The following BBS9 variants were observed in gnomAD, a reference collection of about 807,000 sequenced individuals.
BBS9 encodes the protein protein PTHB1.
In BBS9, 89 loss-of-function variants were observed where a neutral mutation model predicts 117.7. The observed-to-expected ratio is 0.76, with a 90% confidence interval of 0.64 to 0.90. BBS9 has a LOEUF of 0.90. Ranked by LOEUF, BBS9 falls within the 40% of genes least tolerant of loss-of-function variation. BBS9 has a pLI of 0.00. For synonymous variants in BBS9, 379 were observed against 370.9 expected (o/e 1.02, Z -0.25); for missense variants, 982 against 1,042.2 (o/e 0.94, Z 0.80).
chr7:33,429,561 G>A (rs1009355123), intron 19 of BBS9, among the ~76,000 whole-genome samples: 1 of 152,168 alleles, frequency 6.6e-6, no homozygotes, highest in Non-Finnish European at 1.5e-5. Context: ...GAAACAGCTA[G>A]ATCTTTACTA....
At chr7:33,580,773 T>C (rs1344171722) in intron 21 of BBS9, among the ~76,000 whole-genome samples, 1 of 152,138 alleles carries the variant, frequency 6.6e-6, no homozygotes, top group Non-Finnish European at 1.5e-5. Flanking sequence ...TGAACATATA[T>C]AGGGTGATGG....
In BBS9 at chr7:33,353,010, G is replaced by A. The variant is rs1818958770; in HGVS notation, c.1552+137G>A. On this transcript the variant is annotated intron_variant, in intron 15 of 22. Coordinates refer to ENST00000242067, the MANE Select transcript of BBS9 (RefSeq NM_198428.3). The stretch of plus-strand genomic sequence containing the variant: ...AAGAAGTTCTTTAGGATGATACAGT[G>A]CCTTGATTCTGCTATGGAGAGCATA... The A allele has an allele frequency of 7.0e-6, 6 of 858,850 alleles. 1 individual carries two copies. In the South Asian group the frequency reaches 9.5e-5, roughly 14 times the overall value. 53.2% of individuals were successfully genotyped at this position (858,850 alleles called of 1,614,324 possible).
At position 33,605,294 on chromosome 7, in the gene BBS9, C is replaced by T. The variant is rs1864439364; in HGVS notation, c.*68C>T. The T allele has an allele frequency of 6.7e-7, 1 of 1,502,590 alleles. No homozygotes were observed. Among genetic ancestry groups the T allele is most frequent in the African/African-American group, 1.4e-5 (1 of 72,476 alleles). 93.1% of individuals were successfully genotyped at this position (1,502,590 alleles called of 1,614,324 possible). On this transcript the variant is annotated 3_prime_UTR_variant, in exon 23 of 23. Coordinates refer to ENST00000242067, the MANE Select transcript of BBS9 (RefSeq NM_198428.3). ...AGGCCGAACCTGTGTGAACCTCATG[C>T]CAAGCACAGATATAGGGCTGGCGCA...
intron 20 of BBS9, among the ~76,000 whole-genome samples, chr7:33,507,488 T>A (rs778833270): frequency 4.6e-5 from 7 of 152,120 alleles, no homozygotes; most frequent in Non-Finnish European, 8.8e-5. Flanking sequence ...AAGTGATCCT[T>A]CTGCCTCGGC....
At position 33,530,806 on chromosome 7, in the gene BBS9, A is replaced by G. The variant is rs147989966; in HGVS notation, c.2299-3148A>G. Among the ~76,000 whole-genome samples the G allele has an allele frequency of 3.8e-3, 580 of 152,258 alleles. 3 individuals carry two copies. Among genetic ancestry groups the G allele is most frequent in the African/African-American group, 0.013 (553 of 41,556 alleles). On this transcript the variant is annotated intron_variant, in intron 20 of 22. Transcript: ENST00000242067. Reference sequence around the variant, plus strand: ...TTTCAAGATGACTTTAAAATCATTTACTTGTTTCCTAACTTGCCTAGTGAC... The same window carrying G: ...TTTCAAGATGACTTTAAAATCATTTGCTTGTTTCCTAACTTGCCTAGTGAC...
At chr7:33,267,703 T>G (rs1345100250) in intron 7 of BBS9, among the ~76,000 whole-genome samples, 4 of 152,178 alleles carry the variant, frequency 2.6e-5, no homozygotes, top group South Asian at 2.1e-4. Context: ...AACCCCATAT[T>G]ACATTGTAAT....
Position 33,581,200 on chromosome 7 carries a change from C to T in BBS9, c.2522-23665C>T, listed in dbSNP as rs187197251. 4.7e-4 allele frequency among the ~76,000 whole-genome samples: 71 copies of T among 151,252 alleles called. 1 individual carries two copies. The highest frequency in any genetic ancestry group is 8.8e-4 in the Non-Finnish European group (60 of 67,830). On this transcript the variant is annotated intron_variant, in intron 21 of 22. Transcript: ENST00000242067. ...GGGCCAAGACACTGTGTACTTGCTT[C>T]GGGGAAAAAGACTATAAAATAGGAC...
chr7:33,224,437 A>G (rs1445566126), intron 5 of BBS9, among the ~76,000 whole-genome samples: 1 of 152,190 alleles, frequency 6.6e-6, no homozygotes, highest in Non-Finnish European at 1.5e-5. Context: ...CAGTAACTTC[A>G]TTTCAGGCTT....
chr7:33,280,273 C>T (rs78649288), intron 9 of BBS9, among the ~76,000 whole-genome samples: 1 of 152,062 alleles, frequency 6.6e-6, no homozygotes, highest in East Asian at 1.9e-4. Flanking sequence ...GATTCTGTCA[C>T]CCGGGTAGTC....
At chr7:33,180,000 C>T (rs1439648676) in intron 5 of BBS9, among the ~76,000 whole-genome samples, 1 of 152,182 alleles carries the variant, frequency 6.6e-6, no homozygotes. Flanking sequence ...CAGTAGTTCA[C>T]ATCTGTTCCC....
intron 5 of BBS9, among the ~76,000 whole-genome samples, chr7:33,214,140 G>C (rs979765945): frequency 6.6e-6 from 1 of 152,224 alleles, no homozygotes; most frequent in Non-Finnish European, 1.5e-5. Flanking sequence ...GGCGAGGCCT[G>C]TTGAGAAATT....
intron 21 of BBS9, among the ~76,000 whole-genome samples, chr7:33,571,117 G>T (rs1857707164): frequency 6.6e-6 from 1 of 152,034 alleles, no homozygotes; most frequent in East Asian, 1.9e-4. Flanking sequence ...TATAGGTGAG[G>T]GGTATATGGA....
intron 21 of BBS9, among the ~76,000 whole-genome samples, chr7:33,561,617 A>G (rs1856098079): frequency 1.3e-5 from 2 of 152,218 alleles, no homozygotes; most frequent in African/African-American, 4.8e-5. Context: ...CCACCTAAAA[A>G]TAGAGACTTC....
At chr7:33,413,473 C>A (rs189928308) in intron 19 of BBS9, among the ~76,000 whole-genome samples, 1 of 151,978 alleles carries the variant, frequency 6.6e-6, no homozygotes, top group South Asian at 2.1e-4. Context: ...TGAGTTGATG[C>A]GGCATAGAAA....
At chr7:33,362,458 G>A (rs920762443) in intron 16 of BBS9, among the ~76,000 whole-genome samples, 1 of 152,030 alleles carries the variant, frequency 6.6e-6, no homozygotes, top group Non-Finnish European at 1.5e-5. Flanking sequence ...TGTGAGGGAT[G>A]GATGAAATTC....
intron 21 of BBS9, among the ~76,000 whole-genome samples, chr7:33,539,265 C>T (rs1489176020): frequency 6.6e-6 from 1 of 152,216 alleles, no homozygotes; most frequent in Non-Finnish European, 1.5e-5. Context: ...TATTCAGCAA[C>T]TCACTCACAC....
At chr7:33,623,201 A>C (rs771477010) in intron 21 of BBS9, among the ~76,000 whole-genome samples, 1 of 152,214 alleles carries the variant, frequency 6.6e-6, no homozygotes, top group African/African-American at 2.4e-5. Flanking sequence ...CAGCAGTTTG[A>C]TAAGAAAGCA....
chr7:33,264,848 G>A (rs1798549056), intron 7 of BBS9, among the ~76,000 whole-genome samples: 1 of 151,940 alleles, frequency 6.6e-6, no homozygotes, highest in East Asian at 1.9e-4. Context: ...TATTTAGTTT[G>A]CATAAAATTT....
intron 9 of BBS9, among the ~76,000 whole-genome samples, chr7:33,334,382 T>G (rs1251610945): frequency 6.6e-6 from 1 of 152,186 alleles, no homozygotes; most frequent in Admixed American, 6.6e-5. Context: ...GAATCTCACA[T>G]TCTCTGAGAA....
Sources: gnomAD v4.1 joint callset for allele counts (sites outside exome capture counted in the v4.1 genomes callset) on GRCh38, gnomAD v4.1.1 for gene constraint, MANE v1.5 for transcripts, NCBI Gene and HGNC (gene_info 2026-07-23, HGNC 2026-07-21) for gene names.